FAM13B: variants seen among roughly 807,000 people sequenced by gnomAD.
FAM13B encodes the protein protein FAM13B.
FAM13B carries 60 observed loss-of-function variants against 117.3 expected under a neutral mutation model. The observed-to-expected ratio is 0.51, with a 90% CI of 0.42 to 0.63. FAM13B has a LOEUF of 0.63. FAM13B is among the 30% of genes least tolerant of loss of function. The pLI is 0.00. For synonymous variants in FAM13B, 332 were observed against 356.1 expected (o/e 0.93, Z 0.76); for missense variants, 972 against 1,091.9 (o/e 0.89, Z 1.55).
At chr5:138,049,674 A>C (rs910399388) in intron 1 of FAM13B, among the ~76,000 whole-genome samples, 1 of 152,202 alleles carries the variant, frequency 6.6e-6, no homozygotes, top group Non-Finnish European at 1.5e-5. Flanking sequence ...TCCTATCTTC[A>C]ATAAGTAGTT....
intron 10 of FAM13B, among the ~76,000 whole-genome samples, chr5:137,966,486 T>TGG (rs1769898278): frequency 2.3e-5 from 1 of 44,012 alleles, no homozygotes; most frequent in Non-Finnish European, 4.1e-5. Context: ...TATATATATA[T>TGG]ATAGAGAGAG....
At chr5:137,987,190 C>T (rs1777445771) in intron 9 of FAM13B, among the ~76,000 whole-genome samples, 1 of 151,914 alleles carries the variant, frequency 6.6e-6, no homozygotes, top group African/African-American at 2.4e-5. Context: ...TAAAGGTAAG[C>T]TTGTTACTTC....
At chr5:137,970,289 G>A (rs1000616331) in intron 10 of FAM13B, among the ~76,000 whole-genome samples, 1 of 152,022 alleles carries the variant, frequency 6.6e-6, no homozygotes, top group African/African-American at 2.4e-5. Context: ...AGGCAGAAGA[G>A]AGTGGGGGCC....
In FAM13B at chr5:137,987,582, G is replaced by A. The variant is rs1163215634; in HGVS notation, c.925C>T (p.Gln309Ter). 6.2e-7 allele frequency: 1 copy of A among 1,612,388 alleles called. No homozygotes were observed. The highest frequency in any genetic ancestry group is 1.7e-5 in the Admixed American group (1 of 59,736). ...LERTIRAAVE[Q>*]HLFDLQSSID... ...CTGCTCTGAAGATCAAAAAGGTGCT[G>A]TTCCACAGCTGCTCTAATTGTTCTT... Residue 309 changes from glutamine to a stop codon, truncating the protein, a stop_gained, in exon 9 of 24, where the codon CAG (glutamine) becomes TAG (stop). Transcript: ENST00000689681. LOFTEE classifies it high-confidence loss of function.
chr5:138,013,692 A>G (rs1009282284), intron 4 of FAM13B, among the ~76,000 whole-genome samples: 1 of 152,186 alleles, frequency 6.6e-6, no homozygotes, highest in African/African-American at 2.4e-5. Context: ...AAATCACTGG[A>G]CCTATAACTG....
rs370006054 is a variant in FAM13B at position 137,970,762 on chromosome 5, G to A, written c.1180-8293C>T. Among the ~76,000 whole-genome samples, 220 of 152,202 alleles carry A rather than the reference G, an allele frequency of 1.4e-3. 7 individuals are homozygous for A. The East Asian group carries it at 0.032, about 22-fold the overall frequency. On this transcript the variant is annotated intron_variant, in intron 10 of 23. Coordinates refer to ENST00000689681, the MANE Select transcript of FAM13B (RefSeq NM_001385994.1). ...ACAGGCTCAAAATAAAAGGATGGAGGAAGATCTACCAAGCAAATGGAAAAC... is the reference window on the plus strand; with the variant it reads ...ACAGGCTCAAAATAAAAGGATGGAGAAAGATCTACCAAGCAAATGGAAAAC...
At position 137,952,556 on chromosome 5, in the gene FAM13B, T is replaced by A. The variant is rs1239420278; in HGVS notation, c.1930+72A>T. On this transcript the variant is annotated intron_variant, in intron 17 of 23. Coordinates refer to ENST00000689681, the MANE Select transcript of FAM13B (RefSeq NM_001385994.1). ...GATTTAAAATTATCAAAAGTTGTAT[T>A]TGTGATTCTCAGACATTAATATAAA... is the stretch of plus-strand genomic sequence containing the variant. 3 of 930,258 alleles carry A rather than the reference T, an allele frequency of 3.2e-6. No individual in the cohort carries two copies. In the South Asian group the frequency reaches 4.9e-5, roughly 15 times the overall value. 57.6% of individuals were successfully genotyped at this position (930,258 alleles called of 1,614,324 possible). A position where few individuals can be genotyped will look rare whatever the true frequency, so the allele number is the denominator to read the frequency against.
chr5:137,964,200 G>A (rs1438255634), intron 10 of FAM13B, among the ~76,000 whole-genome samples: 2 of 152,074 alleles, frequency 1.3e-5, no homozygotes, highest in South Asian at 2.1e-4. Flanking sequence ...TGGGACTACA[G>A]GTGTGGTGCC....
chr5:138,043,480 G>A (rs1344620085), intron 1 of FAM13B, among the ~76,000 whole-genome samples: 5 of 137,354 alleles, frequency 3.6e-5, no homozygotes, highest in South Asian at 2.2e-4. Context: ...TTGCTCTGTC[G>A]CCAGGCCGAA....
intron 1 of FAM13B, among the ~76,000 whole-genome samples, chr5:138,040,323 A>C (rs1358585836): frequency 1.3e-4 from 19 of 147,470 alleles, no homozygotes; most frequent in Non-Finnish European, 2.8e-4. Context: ...TAATCCCAGC[A>C]CTTTGGGAGG....
At chr5:137,966,988 G>C (rs1641498216) in intron 10 of FAM13B, among the ~76,000 whole-genome samples, 1 of 151,834 alleles carries the variant, frequency 6.6e-6, no homozygotes, top group Non-Finnish European at 1.5e-5. Context: ...ATTCCAAATG[G>C]GTCAAATATT....
At chr5:137,996,631 C>T (rs1054810550) in intron 7 of FAM13B, among the ~76,000 whole-genome samples, 2 of 151,972 alleles carry the variant, frequency 1.3e-5, no homozygotes, top group African/African-American at 2.4e-5. Flanking sequence ...CTCACCCTGT[C>T]GCCCAGACTG....
Position 137,940,377 on chromosome 5 carries a change from T to G in FAM13B, c.2691-29A>C, listed in dbSNP as rs747825480. The G allele has an allele frequency of 3.3e-6, 5 of 1,528,648 alleles. No homozygotes were observed. The East Asian group carries it at 9.0e-5, about 28-fold the overall frequency. 94.7% of individuals were successfully genotyped at this position (1,528,648 alleles called of 1,614,324 possible). On this transcript the variant is annotated intron_variant, in intron 23 of 23. Transcript: ENST00000689681. Reference sequence around the variant, plus strand: ...GGGGAGAAAATAAAATTTGTAATGTTCTAGAGATCATTTGGAAAAAAAGAT... The same window carrying G: ...GGGGAGAAAATAAAATTTGTAATGTGCTAGAGATCATTTGGAAAAAAAGAT...
intron 9 of FAM13B, among the ~76,000 whole-genome samples, chr5:137,986,477 C>T (rs924546953): frequency 9.3e-5 from 14 of 150,314 alleles, no homozygotes; most frequent in Non-Finnish European, 2.1e-4. Context: ...CACTGCACCA[C>T]GGTCTCTGAG....
At chr5:138,036,197 T>TA (rs1380805109), upstream of FAM13B, 37 of 352,928 alleles carry the variant, frequency 1.0e-4, no homozygotes, top group African/African-American at 7.1e-4. Context: ...TTCCAGCAGG[T>TA]GGCAGTAAAG....
rs777229952 is a variant in FAM13B, at chr5:138,019,119, T to C, written c.-8A>G. 1.1e-5 allele frequency: 17 copies of C among 1,610,876 alleles called. No individual in the cohort carries two copies. The African/African-American group carries it at 2.3e-4, about 22-fold the overall frequency. On this transcript the variant is annotated 5_prime_UTR_variant, in exon 3 of 24. Transcript: ENST00000689681. ...GGAGGAGCTCTTCCTCATATCTTTT[T>C]TGCAGCCAGAAATCAAAGCTGTCTT...
intron 1 of FAM13B, 95 bp downstream of exon 1, chr5:138,032,687 G>C: frequency 1.2e-5 from 12 of 978,554 alleles, no homozygotes; most frequent in Non-Finnish European, 1.5e-5. Flanking sequence ...GCAGGCGCGG[G>C]TGGCAGGCGG....
intron 1 of FAM13B, among the ~76,000 whole-genome samples, chr5:138,044,913 C>T (rs1034580931): frequency 9.2e-5 from 14 of 152,152 alleles, no homozygotes; most frequent in African/African-American, 3.1e-4. Context: ...CAGGGAAACG[C>T]AAACTAAAAA....
intron 7 of FAM13B, among the ~76,000 whole-genome samples, chr5:137,995,923 T>C (rs1415256305): frequency 6.6e-6 from 1 of 152,218 alleles, no homozygotes; most frequent in Admixed American, 6.5e-5. Flanking sequence ...TTTCTGGTAC[T>C]TCCACCAAAG....
Sources: allele counts gnomAD v4.1 joint callset (sites outside exome capture counted in the v4.1 genomes callset), GRCh38; gene constraint gnomAD v4.1.1; transcripts MANE v1.5; gene names NCBI Gene and HGNC (gene_info 2026-07-23, HGNC 2026-07-21).